The following HIP1R variants were observed in gnomAD, a reference collection of about 807,000 sequenced individuals.
HIP1R encodes huntingtin-interacting protein 1-related protein.
HIP1R carries 135 observed loss-of-function variants against 144.2 expected under a neutral mutation model. That is an observed-to-expected ratio of 0.94 (90% CI 0.81 to 1.08). The LOEUF is 1.08. Ranked by LOEUF, HIP1R falls within the 50% of genes least tolerant of loss-of-function variation. HIP1R has a pLI of 0.00. For synonymous variants in HIP1R, 698 were observed against 612.8 expected (o/e 1.14, Z -2.05); for missense variants, 1,462 against 1,432.8 (o/e 1.02, Z -0.33).
intron 17 of HIP1R, 54 bp from the exon 18 acceptor site, chr12:122,856,967 T>C: frequency 9.8e-7 from 1 of 1,022,264 alleles, no homozygotes; most frequent in Middle Eastern, 3.8e-4. Flanking sequence ...GGGGGCAGGG[T>C]GGGTGGGGCC....
upstream of HIP1R, chr12:122,834,921 G>A (rs2032826241): frequency 1.6e-6 from 2 of 1,286,454 alleles, no homozygotes; most frequent in South Asian, 1.2e-5. Flanking sequence ...GAAAAAAAGC[G>A]TCTATCTGTG....
chr12:122,860,739 C>A lies in HIP1R; in HGVS notation c.2721C>A (p.Ser907=), dbSNP rs765487364. 7 of 1,613,284 alleles carry A rather than the reference C, an allele frequency of 4.3e-6. No homozygotes were observed. The Admixed American group carries it at 1.2e-4, about 27-fold the overall frequency. Residue 907 remains serine, a synonymous_variant, in exon 28 of 32, where the codon TCC becomes TCA. Transcript: ENST00000253083. The part of the protein sequence containing the change: ...TGKYEELIVC[S]HEIAASTAQL... ...AGTATGAGGAGCTCATCGTCTGCTCCCACGAGATCGCAGCCAGCACGGCCC... is the reference window on the plus strand; with the variant it reads ...AGTATGAGGAGCTCATCGTCTGCTCACACGAGATCGCAGCCAGCACGGCCC...
At chr12:122,859,935 C>CA in intron 24 of HIP1R, 105 bp downstream of exon 24, 1 of 1,463,026 alleles carries the variant, frequency 6.8e-7, no homozygotes, top group Non-Finnish European at 9.3e-7. Context: ...AGGCCTGGCT[C>CA]AGAGCAGACA....
At position 122,835,529 on chromosome 12, in the gene HIP1R, A is replaced by G; in HGVS notation, c.-22A>G. On this transcript the variant is annotated 5_prime_UTR_variant, in exon 1 of 32. Coordinates refer to ENST00000253083, the MANE Select transcript of HIP1R (RefSeq NM_003959.3). ...GTGAGTCGCGCGGACGGAGCCGGACAAAAGCGGGCGGCGGCGGCAGGATGA... is the reference window on the plus strand; with the variant it reads ...GTGAGTCGCGCGGACGGAGCCGGACGAAAGCGGGCGGCGGCGGCAGGATGA... 1 of 1,330,298 alleles carries G rather than the reference A, an allele frequency of 7.5e-7. No individual in the cohort carries two copies. Among genetic ancestry groups the G allele is most frequent in the South Asian group, 1.7e-5 (1 of 57,644 alleles). 82.4% of individuals were successfully genotyped at this position (1,330,298 alleles called of 1,614,324 possible). A position where few individuals can be genotyped will look rare whatever the true frequency, so the allele number is the denominator to read the frequency against.
intron 1 of HIP1R, among the ~76,000 whole-genome samples, chr12:122,841,216 G>GCCTCTCTGTGCTGCCCAGT (rs2033047783): frequency 6.6e-6 from 1 of 152,016 alleles, no homozygotes; most frequent in African/African-American, 2.4e-5. Flanking sequence ...TCCTGCCCAA[G>GCCTCTCTGTGCTGCCCAGT]CCTCTCTGTG....
rs1414874112 is a variant in HIP1R at position 122,861,156 on chromosome 12, C to T, written c.2916C>T (p.Ser972=). 7.4e-6 allele frequency: 12 copies of T among 1,613,028 alleles called. No individual in the cohort carries two copies. Among genetic ancestry groups the T allele is most frequent in the Non-Finnish European group, 1.0e-5 (12 of 1,179,934 alleles). The part of the protein sequence containing the change: ...DRDTMDFSGL[S]LIKLKKQEME... ...ACACCATGGATTTCTCCGGCCTGTC[C>T]CTCATCAAGCTGAAGAAGCAGGAGA... The change falls in exon 30 of 32, where the codon TCC becomes TCT. Residue 972 remains serine, a synonymous_variant. Coordinates refer to ENST00000253083, the MANE Select transcript of HIP1R (RefSeq NM_003959.3).
chr12:122,853,200 C>G (rs1309978242), intron 7 of HIP1R, among the ~76,000 whole-genome samples: 1 of 152,040 alleles, frequency 6.6e-6, no homozygotes, highest in African/African-American at 2.4e-5. Flanking sequence ...CTTGGTAGTT[C>G]TGATACAAGG....
chr12:122,860,140 C>T lies in HIP1R; in HGVS notation c.2497-8C>T. On this transcript the variant is annotated splice_polypyrimidine_tract_variant and splice_region_variant and intron_variant, in intron 25 of 31. Coordinates refer to ENST00000253083, the MANE Select transcript of HIP1R (RefSeq NM_003959.3). Reference sequence around the variant, plus strand: ...GGCCACCAGTCATTGCTGTCTTGGTCTCGGCAGGCTATCCGGCTCCTGGTG... The same window carrying T: ...GGCCACCAGTCATTGCTGTCTTGGTTTCGGCAGGCTATCCGGCTCCTGGTG... 6.3e-7 allele frequency: 1 copy of T among 1,585,088 alleles called. No individual in the cohort carries two copies. The highest frequency in any genetic ancestry group is 2.3e-5 in the East Asian group (1 of 44,272).
chr12:122,861,109 C>T (rs773939847), intron 29 of HIP1R, 22 bp from the exon 30 acceptor site: 41 of 1,613,468 alleles, frequency 2.5e-5, no homozygotes, highest in East Asian at 4.5e-5. Context: ...CAGATGTTCA[C>T]CCCCTTGTCC....
At chr12:122,857,265 C>A in intron 18 of HIP1R, 50 bp downstream of exon 18, 1 of 1,488,418 alleles carries the variant, frequency 6.7e-7, no homozygotes, top group Non-Finnish European at 9.2e-7. Context: ...TGCCGTCTGG[C>A]AACCATCGAT....
Position 122,860,162 on chromosome 12 carries a change from G to A in HIP1R, c.2511G>A (p.Leu837=), listed in dbSNP as rs2033725119. ...GGTCTCGGCAGGCTATCCGGCTCCT[G>A]GTGACGACATCCACTAGCCTGCAGA... The part of the protein sequence containing the change: ...CTDLMKAIRL[L]VTTSTSLQKE... Residue 837 remains leucine, a synonymous_variant, in exon 26 of 32, where the codon CTG becomes CTA. Transcript: ENST00000253083. The A allele has an allele frequency of 4.4e-6, 7 of 1,575,728 alleles. No individual in the cohort carries two copies. The highest frequency in any genetic ancestry group is 6.0e-6 in the Non-Finnish European group (7 of 1,162,666).
intron 7 of HIP1R, among the ~76,000 whole-genome samples, chr12:122,852,903 T>A (rs1272261046): frequency 6.6e-6 from 1 of 152,214 alleles, no homozygotes; most frequent in African/African-American, 2.4e-5. Context: ...TAGCATGACA[T>A]GTAATTAGAG....
Position 122,860,707 on chromosome 12 carries a change from A to G in HIP1R, c.2689A>G (p.Thr897Ala), listed in dbSNP as rs867780076. The G allele has an allele frequency of 6.2e-7, 1 of 1,613,268 alleles. No individual in the cohort carries two copies. The highest frequency in any genetic ancestry group is 8.5e-7 in the Non-Finnish European group (1 of 1,179,958). The part of the protein sequence containing the change: ...VEAADKVVLH[T>A]GKYEELIVCS... Reference sequence around the variant, plus strand: ...GGCAGCTGACAAGGTGGTGCTTCACACGGGCAAGTATGAGGAGCTCATCGT... The same window carrying G: ...GGCAGCTGACAAGGTGGTGCTTCACGCGGGCAAGTATGAGGAGCTCATCGT... Residue 897 changes from threonine (T) to alanine (A), a missense_variant, in exon 28 of 32, where the codon ACG (threonine) becomes GCG (alanine). Coordinates refer to ENST00000253083, the MANE Select transcript of HIP1R (RefSeq NM_003959.3).
chr12:122,835,464 C>T lies in HIP1R; in HGVS notation c.-87C>T, dbSNP rs1213262185. 3 of 1,167,554 alleles carry T rather than the reference C, an allele frequency of 2.6e-6. No homozygotes were observed. The highest frequency in any genetic ancestry group is 9.6e-5 in the Admixed American group (2 of 20,734). 72.3% of individuals were successfully genotyped at this position (1,167,554 alleles called of 1,614,324 possible). A position where few individuals can be genotyped will look rare whatever the true frequency, so the allele number is the denominator to read the frequency against. ...GGCGGGCCCGGGCGCGGCGCGGTGG[C>T]CTCGCGGTGCCTAGGCTGGGGCTGC... On this transcript the variant is annotated 5_prime_UTR_variant, in exon 1 of 32. Coordinates refer to ENST00000253083, the MANE Select transcript of HIP1R (RefSeq NM_003959.3).
At chr12:122,838,255 A>G (rs1442290138) in intron 1 of HIP1R, among the ~76,000 whole-genome samples, 1 of 151,984 alleles carries the variant, frequency 6.6e-6, no homozygotes, top group Admixed American at 6.6e-5. Context: ...GTGTGTGTAT[A>G]ATCCCAGGGG....
rs1047633982 is a variant in HIP1R, at chr12:122,835,494, C to T, written c.-57C>T. The T allele has an allele frequency of 1.6e-6, 2 of 1,247,502 alleles. No homozygotes were observed. Among genetic ancestry groups the T allele is most frequent in the South Asian group, 4.7e-5 (2 of 42,546 alleles). 77.3% of individuals were successfully genotyped at this position (1,247,502 alleles called of 1,614,324 possible). On this transcript the variant is annotated 5_prime_UTR_variant, in exon 1 of 32. Transcript: ENST00000253083. ...CGGTGCCTAGGCTGGGGCTGCCGGA[C>T]CGTGAGGCTGTGAGTCGCGCGGACG...
At chr12:122,853,991 G>C in intron 7 of HIP1R, 52 bp from the exon 8 acceptor site, 1 of 1,587,198 alleles carries the variant, frequency 6.3e-7, no homozygotes, top group Non-Finnish European at 8.6e-7. Flanking sequence ...ACCTTGGACA[G>C]GTTGCCCAGC....
In HIP1R at chr12:122,860,412, G is replaced by T; in HGVS notation, c.2560-11G>T. On this transcript the variant is annotated splice_polypyrimidine_tract_variant and intron_variant, in intron 26 of 31. Coordinates refer to ENST00000253083, the MANE Select transcript of HIP1R (RefSeq NM_003959.3). ...CTGGCATGTCCTGCCCTGTTCTCCC[G>T]TCGCCACTAGGGGGCAGCCACGCAG... 1 of 1,612,988 alleles carries T rather than the reference G, an allele frequency of 6.2e-7. No individual in the cohort carries two copies. Among genetic ancestry groups the T allele is most frequent in the East Asian group, 2.2e-5 (1 of 44,884 alleles).
Position 122,856,181 on chromosome 12 carries a change from C to G in HIP1R, c.1312+18C>G. The G allele has an allele frequency of 6.2e-7, 1 of 1,610,048 alleles. No homozygotes were observed. Among genetic ancestry groups the G allele is most frequent in the Non-Finnish European group, 8.5e-7 (1 of 1,178,466 alleles). On this transcript the variant is annotated intron_variant, in intron 14 of 31. Transcript: ENST00000253083. ...GGCTGAGAGTACGTGGGGCCTTGGC[C>G]ACAGGGGTCCAAGGGTGTGTCCCCA...
Sources: gnomAD v4.1 joint callset for allele counts (sites outside exome capture counted in the v4.1 genomes callset) on GRCh38, gnomAD v4.1.1 for gene constraint, MANE v1.5 for transcripts, NCBI Gene and HGNC (gene_info 2026-07-23, HGNC 2026-07-21) for gene names.